The following SLC2A2 variants were observed in gnomAD, a reference collection of about 807,000 sequenced individuals.
The protein encoded by SLC2A2 is solute carrier family 2, facilitated glucose transporter member 2.
A neutral mutation model predicts 54.5 loss-of-function variants in SLC2A2; 36 were observed. That is an observed-to-expected ratio of 0.66 (90% confidence interval 0.51 to 0.87). The LOEUF is 0.87. Ranked by LOEUF, SLC2A2 falls within the 40% of genes least tolerant of loss-of-function variation. The probability of loss-of-function intolerance (pLI) is 0.00; values close to 1 mark genes in which losing one functional copy is unlikely to be tolerated. For missense variants in SLC2A2, 543 were observed against 624.3 expected (o/e 0.87, Z 1.39); for synonymous variants, 223 against 219.1 (o/e 1.02, Z -0.16).
intron 2 of SLC2A2, among the ~76,000 whole-genome samples, chr3:171,015,619 G>C (rs983888998): frequency 6.6e-6 from 1 of 152,072 alleles, no homozygotes; most frequent in African/African-American, 2.4e-5. Flanking sequence ...TAAGATGAGG[G>C]TCAAAAATCA....
Position 170,997,510 on chromosome 3 carries a change from A to T in SLC2A2, c.*393T>A. ...TTTAACATAAGATATATGGGTAAGA[A>T]AATTCCAATTTAATGATATTCAAAT... On this transcript the variant is annotated 3_prime_UTR_variant, in exon 11 of 11. Transcript: ENST00000314251. 1 of 188,964 alleles carries T rather than the reference A, an allele frequency of 5.3e-6. No individual in the cohort carries two copies. The highest frequency in any genetic ancestry group is 1.1e-5 in the Non-Finnish European group (1 of 91,694). 11.7% of individuals were successfully genotyped at this position (188,964 alleles called of 1,614,324 possible).
chr3:171,019,125 GTATGTATA>G (rs1716326872), intron 1 of SLC2A2, among the ~76,000 whole-genome samples: 1 of 4,968 alleles, frequency 2.0e-4, no homozygotes, highest in East Asian at 9.4e-3. Flanking sequence ...ATATATATAC[GTATGTATA>G]TATATATATA....
At chr3:171,014,867 T>G (rs1325551248) in intron 2 of SLC2A2, 136 bp from the exon 3 acceptor site, 1 of 723,168 alleles carries the variant, frequency 1.4e-6, no homozygotes, top group African/African-American at 1.8e-5. Context: ...CATGGATAGA[T>G]TTGTTTACAG....
Position 170,997,826 on chromosome 3 carries a change from A to T in SLC2A2, c.*77T>A. 2.6e-6 allele frequency: 3 copies of T among 1,155,710 alleles called. No individual in the cohort carries two copies. The South Asian group carries it at 3.9e-5, about 15-fold the overall frequency. The allele number at this position is 1,155,710 out of a possible 1,614,324, so 71.6% of individuals were successfully genotyped here. A position where few individuals can be genotyped will look rare whatever the true frequency, so the allele number is the denominator to read the frequency against. ...CAATACTTAAAGATGTGGATATAAA[A>T]TGCTCAAGGAATCATCATTTAAAAA... On this transcript the variant is annotated 3_prime_UTR_variant, in exon 11 of 11. Transcript: ENST00000314251.
At chr3:171,009,821 A>C (rs1200438391) in intron 4 of SLC2A2, 137 bp downstream of exon 4, 1 of 1,229,166 alleles carries the variant, frequency 8.1e-7, no homozygotes, top group African/African-American at 1.5e-5. Flanking sequence ...ACTTTATGCT[A>C]TTGCCTTTCC....
chr3:171,002,486 T>C (rs1218887868), intron 8 of SLC2A2, 90 bp downstream of exon 8: 5 of 801,260 alleles, frequency 6.2e-6, no homozygotes, highest in African/African-American at 1.7e-5. Context: ...CAATAAGTCA[T>C]TGATTGCTTT....
intron 3 of SLC2A2, among the ~76,000 whole-genome samples, chr3:171,013,617 T>G (rs1217029845): frequency 6.6e-6 from 1 of 152,178 alleles, no homozygotes; most frequent in African/African-American, 2.4e-5. Flanking sequence ...TCCAGAATTA[T>G]TAAACTAGTT....
In SLC2A2 at chr3:170,996,739, A is replaced by G. The variant is rs886058171; in HGVS notation, c.*1164T>C. 5.0e-5 allele frequency: 20 copies of G among 397,226 alleles called. 1 individual carries two copies. In the East Asian group the frequency reaches 6.8e-4, roughly 13 times the overall value. 24.6% of individuals were successfully genotyped at this position (397,226 alleles called of 1,614,324 possible). A position where few individuals can be genotyped will look rare whatever the true frequency, so the allele number is the denominator to read the frequency against. On this transcript the variant is annotated 3_prime_UTR_variant, in exon 11 of 11. Transcript: ENST00000314251. ...AGAATAGTTTGGCTAGAATCTGTATACAGCTAAGACAAAGAAGGAAATGTC... is the reference window on the plus strand; with the variant it reads ...AGAATAGTTTGGCTAGAATCTGTATGCAGCTAAGACAAAGAAGGAAATGTC...
chr3:171,011,009 C>T (rs1447453115), intron 3 of SLC2A2, among the ~76,000 whole-genome samples: 1 of 152,030 alleles, frequency 6.6e-6, no homozygotes, highest in African/African-American at 2.4e-5. Context: ...GAAATGTAAA[C>T]GTCCTTGTTA....
At chr3:171,014,844 A>G (rs1044589190) in intron 2 of SLC2A2, 113 bp from the exon 3 acceptor site, 1 of 816,000 alleles carries the variant, frequency 1.2e-6, no homozygotes, top group Non-Finnish European at 2.0e-6. Context: ...TATGTGTTTT[A>G]TATACATATA....
intron 5 of SLC2A2, 39 bp from the exon 6 acceptor site, chr3:171,006,144 C>T: frequency 6.3e-7 from 1 of 1,575,326 alleles, no homozygotes; most frequent in Non-Finnish European, 8.7e-7. Context: ...CTACATAATA[C>T]TTTGGATCTA....
intron 1 of SLC2A2, among the ~76,000 whole-genome samples, chr3:171,018,901 A>T (rs1716286769): frequency 6.6e-6 from 1 of 152,000 alleles, no homozygotes; most frequent in African/African-American, 2.4e-5. Context: ...TGTGTATGAG[A>T]ATAGCATACC....
chr3:171,005,909 A>G (rs1715576857), intron 6 of SLC2A2, 34 bp downstream of exon 6: 2 of 1,600,166 alleles, frequency 1.2e-6, no homozygotes, highest in South Asian at 1.1e-5. Flanking sequence ...ATGCCAAAAC[A>G]ATAGGAAGAA....
intron 1 of SLC2A2, 88 bp downstream of exon 1, chr3:171,026,568 C>T (rs1248939843): frequency 1.8e-6 from 2 of 1,104,204 alleles, no homozygotes; most frequent in Non-Finnish European, 2.8e-6. Flanking sequence ...CTACACCCAA[C>T]CTCCCCCAAA....
At chr3:171,026,627 G>C in intron 1 of SLC2A2, 29 bp downstream of exon 1, 1 of 1,604,844 alleles carries the variant, frequency 6.2e-7, no homozygotes, top group Non-Finnish European at 8.5e-7. Flanking sequence ...CTGAAAACCA[G>C]ACTTGAAATG....
In SLC2A2 at chr3:171,006,019, A is replaced by T; in HGVS notation, c.699T>A (p.Ser233=). The T allele has an allele frequency of 1.9e-6, 3 of 1,612,694 alleles. No homozygotes were observed. The highest frequency in any genetic ancestry group is 2.5e-6 in the Non-Finnish European group (3 of 1,179,082). ...GLSGVRAILQ[S]LLLFFCPESP... is the part of the protein sequence containing the mutation. ...TTTCTGGACAGAAAAAGAGTAGCAG[A>T]GACTGAAGGATGGCTCGCACACCAG... The change falls in exon 6 of 11, where the codon TCT becomes TCA. Residue 233 remains serine (S), a synonymous_variant. Transcript: ENST00000314251.
chr3:171,016,718 T>G (rs531452826), intron 2 of SLC2A2, among the ~76,000 whole-genome samples: 5 of 152,204 alleles, frequency 3.3e-5, no homozygotes, highest in South Asian at 2.1e-4. Context: ...AGGGCCTATA[T>G]AGAGAGAGAG....
rs1035487106 is a variant in SLC2A2, at chr3:170,996,850, C to G, written c.*1053G>C. 3 of 390,150 alleles carry G rather than the reference C, an allele frequency of 7.7e-6. No individual in the cohort carries two copies. The Admixed American group carries it at 1.3e-4, about 17-fold the overall frequency. 24.2% of individuals were successfully genotyped at this position (390,150 alleles called of 1,614,324 possible). A position where few individuals can be genotyped will look rare whatever the true frequency, so the allele number is the denominator to read the frequency against. On this transcript the variant is annotated 3_prime_UTR_variant, in exon 11 of 11. Transcript: ENST00000314251. ...ATTAAATAGGGATTTTGATAAAAGT[C>G]TGAAGCTGAACATTTATGAAGTTTC...
Position 171,005,302 on chromosome 3 carries a change from A to C in SLC2A2, c.946T>G (p.Phe316Val). The change falls in exon 7 of 11, where the codon TTT becomes GTT. Residue 316 changes from phenylalanine to valine, a missense_variant. By Grantham distance (50) the Phe-to-Val change is conservative. Transcript: ENST00000314251. ...VALMLHVAQQ[F>V]SGINGIFYYS... is the part of the protein sequence containing the mutation. ...AAACTTACGCCATTGATTCCGGAAA[A>C]TTGCTGAGCCACATGCAGCATCAGT... The C allele has an allele frequency of 1.2e-6, 2 of 1,612,946 alleles. No homozygotes were observed. Among genetic ancestry groups the C allele is most frequent in the Non-Finnish European group, 1.7e-6 (2 of 1,179,250 alleles).
Sources: gnomAD v4.1 joint callset for allele counts (sites outside exome capture counted in the v4.1 genomes callset) on GRCh38, gnomAD v4.1.1 for gene constraint, MANE v1.5 for transcripts, NCBI Gene and HGNC (gene_info 2026-07-23, HGNC 2026-07-21) for gene names.